Variants in GSG1 observed in about 807,000 individuals in gnomAD.
The protein encoded by GSG1 is germ cell associated 1.
GSG1 carries 28 observed loss-of-function variants against 30.8 expected under a neutral mutation model. The ratio of observed to expected loss-of-function variants is 0.91; its 90% CI spans 0.67 to 1.25. GSG1 has a LOEUF of 1.25. GSG1 is among the 50% of genes most tolerant of loss of function. The pLI is 0.00. For missense variants in GSG1, 435 were observed against 444.7 expected (o/e 0.98, Z 0.20); for synonymous variants, 162 against 178.0 (o/e 0.91, Z 0.71).
chr12:13,089,981 G>A (rs897601361), intron 2 of GSG1, among the ~76,000 whole-genome samples: 1 of 152,182 alleles, frequency 6.6e-6, no homozygotes, highest in African/African-American at 2.4e-5. Context: ...CCTGAGAGGC[G>A]GAGGTTGTGG....
At position 13,084,302 on chromosome 12, in the gene GSG1, T is replaced by C. The variant is rs1271725086; in HGVS notation, c.*599A>G. ...AAGTGACCCTGACCCTGTGTGCTGT[T>C]GGCGCCTTCTCATGTTAAACCACTC... On this transcript the variant is annotated 3_prime_UTR_variant, in exon 7 of 7. Coordinates refer to ENST00000651961, the MANE Select transcript of GSG1 (RefSeq NM_001080555.4). The C allele has an allele frequency of 6.6e-6, 1 of 152,384 alleles. No homozygotes were observed. Among genetic ancestry groups the C allele is most frequent in the African/African-American group, 2.4e-5 (1 of 41,422 alleles). The allele number at this position is 152,384 out of a possible 1,614,324, so 9.4% of individuals were successfully genotyped here.
At chr12:13,100,441 C>G (rs559617008) in intron 1 of GSG1, among the ~76,000 whole-genome samples, 1 of 152,298 alleles carries the variant, frequency 6.6e-6, no homozygotes, top group East Asian at 1.9e-4. Context: ...TTTAAATGAG[C>G]AAAGCGCAGA....
At chr12:13,089,138 G>C in intron 3 of GSG1, 70 bp downstream of exon 3, 1 of 1,441,254 alleles carries the variant, frequency 6.9e-7, no homozygotes, top group Non-Finnish European at 9.5e-7. Context: ...TTCCATGAGA[G>C]CACCTACATA....
chr12:13,101,796 T>C lies in GSG1; in HGVS notation c.48+1669A>G, dbSNP rs970131594. ...AAGGGAAGGGGATGTCTGCGTCTCA[T>C]TGGGAAGACCCCAGGGCGGGACTTC... On this transcript the variant is annotated intron_variant, in intron 1 of 6. Transcript: ENST00000651961. The surrounding 1 kb of genome is among the most constrained non-coding windows in gnomAD (Gnocchi z 5.8). Among the ~76,000 whole-genome samples, 23 of 152,192 alleles carry C rather than the reference T, an allele frequency of 1.5e-4. No individual in the cohort carries two copies. Among genetic ancestry groups the C allele is most frequent in the East Asian group, 5.8e-4 (3 of 5,198 alleles).
At chr12:13,088,240 A>C (rs1565527798) in intron 4 of GSG1, among the ~76,000 whole-genome samples, 181 bp from the exon 5 acceptor site, 3 of 152,168 alleles carry the variant, frequency 2.0e-5, no homozygotes, top group Admixed American at 1.3e-4. Context: ...CGTCACTCAC[A>C]GCTCCCACTC....
chr12:13,096,246 G>A (rs1866649995), intron 1 of GSG1, among the ~76,000 whole-genome samples: 1 of 152,048 alleles, frequency 6.6e-6, no homozygotes, highest in Non-Finnish European at 1.5e-5. Context: ...GGCCTAGGTG[G>A]GCGGATCACA....
At position 13,090,732 on chromosome 12, in the gene GSG1, G is replaced by T; in HGVS notation, c.135C>A (p.Ser45=). The stretch of plus-strand genomic sequence containing the variant: ...CCACAAACCAGTAGTTGCTGAGCAG[G>T]GATGTTGTGGAGAAGCTGAGTGATA... The part of the protein sequence containing the change: ...SMLSLSFSTT[S]LLSNYWFVGT... The change falls in exon 2 of 7, where the codon TCC becomes TCA. Residue 45 remains serine, a synonymous_variant. Coordinates refer to ENST00000651961, the MANE Select transcript of GSG1 (RefSeq NM_001080555.4). 6.2e-7 allele frequency: 1 copy of T among 1,614,226 alleles called. No homozygotes were observed.
At chr12:13,087,400 T>C (rs1227458544) in intron 5 of GSG1, 137 bp from the exon 6 acceptor site, 2 of 623,848 alleles carry the variant, frequency 3.2e-6, no homozygotes, top group Non-Finnish European at 5.7e-6. Context: ...GCCACCACAT[T>C]TCCCGAAGAC....
rs766652120 is a variant in GSG1 at position 13,084,225 on chromosome 12, T to C, written c.*676A>G. 4.6e-5 allele frequency: 7 copies of C among 152,192 alleles called. No individual in the cohort carries two copies. The highest frequency in any genetic ancestry group is 8.8e-5 in the Non-Finnish European group (6 of 68,034). 9.4% of individuals were successfully genotyped at this position (152,192 alleles called of 1,614,324 possible). A position where few individuals can be genotyped will look rare whatever the true frequency, so the allele number is the denominator to read the frequency against. On this transcript the variant is annotated 3_prime_UTR_variant, in exon 7 of 7. Transcript: ENST00000651961. ...CACTGGGAAGTCCCTGGTGTGACTG[T>C]CCAGAAGGGAACCACAGTCCAATCT...
At chr12:13,095,639 C>G (rs189657759) in intron 1 of GSG1, 1 of 1,614,012 alleles carries the variant, frequency 6.2e-7, no homozygotes, top group African/African-American at 1.3e-5. Context: ...CTGGAAGAAC[C>G]GAAGGATGCC....
chr12:13,098,191 T>G (rs1246314256), intron 1 of GSG1, among the ~76,000 whole-genome samples: 1 of 151,872 alleles, frequency 6.6e-6, no homozygotes, highest in Non-Finnish European at 1.5e-5. Context: ...TGGCTAGTAG[T>G]TTCATCACAA....
chr12:13,093,460 GA>G lies in GSG1; in HGVS notation c.49-2643del, dbSNP rs1866357337. 6.6e-6 allele frequency among the ~76,000 whole-genome samples: 1 copy of G among 152,190 alleles called. No individual in the cohort carries two copies. The highest frequency in any genetic ancestry group is 1.5e-5 in the Non-Finnish European group (1 of 68,040). The stretch of plus-strand genomic sequence containing the variant: ...CAGATGGATGCTTTGGGGCCTGGAG[GA>G]TAAAAGAGGGCAGTGAACCTACTGG... On this transcript the variant is annotated intron_variant, in intron 1 of 6. Transcript: ENST00000651961. This position sits in a 1 kb window ranked among gnomAD's most constrained non-coding sequence, Gnocchi z 4.6.
Position 13,101,418 on chromosome 12 carries a change from G to T in GSG1, c.48+2047C>A, listed in dbSNP as rs1048205363. Among the ~76,000 whole-genome samples the T allele has an allele frequency of 6.6e-6, 1 of 152,346 alleles. No homozygotes were observed. Among genetic ancestry groups the T allele is most frequent in the East Asian group, 1.9e-4 (1 of 5,172 alleles). On this transcript the variant is annotated intron_variant, in intron 1 of 6. Coordinates refer to ENST00000651961, the MANE Select transcript of GSG1 (RefSeq NM_001080555.4). The surrounding 1 kb of genome is among the most constrained non-coding windows in gnomAD (Gnocchi z 5.8). Reference sequence around the variant, plus strand: ...CCATGGCTTCCTGACCGGGTCGGGCGGGGGTACCCGGGCTGTTTCTTCCTC... The same window carrying T: ...CCATGGCTTCCTGACCGGGTCGGGCTGGGGTACCCGGGCTGTTTCTTCCTC...
At chr12:13,099,873 G>A (rs1863069582) in intron 1 of GSG1, among the ~76,000 whole-genome samples, 1 of 150,326 alleles carries the variant, frequency 6.7e-6, no homozygotes, top group Non-Finnish European at 1.5e-5. Flanking sequence ...TCTGACCCAC[G>A]CGCCATTAGC....
At chr12:13,102,626 A>T (rs897603651) in intron 1 of GSG1, among the ~76,000 whole-genome samples, 6 of 152,154 alleles carry the variant, frequency 3.9e-5, no homozygotes, top group African/African-American at 1.4e-4. Context: ...TGAGATCCTA[A>T]CTTCCAGCTG....
Position 13,087,872 on chromosome 12 carries a change from G to A in GSG1, c.634+35C>T, listed in dbSNP as rs764117975. The stretch of plus-strand genomic sequence containing the variant: ...AGCTAGGGCTTCAAAAGTGGCCAGG[G>A]CCAACCACCCTCTCTCACTCCAGGA... On this transcript the variant is annotated intron_variant, in intron 5 of 6. Transcript: ENST00000651961. The A allele has an allele frequency of 5.0e-6, 8 of 1,606,240 alleles. No individual in the cohort carries two copies. The South Asian group carries it at 7.8e-5, about 16-fold the overall frequency.
chr12:13,096,194 C>T (rs1866644359), intron 1 of GSG1, among the ~76,000 whole-genome samples: 2 of 152,240 alleles, frequency 1.3e-5, no homozygotes, highest in South Asian at 4.1e-4. Context: ...AGTACTATTG[C>T]CGGGCGTGGT....
chr12:13,098,586 A>G (rs1862923622), intron 1 of GSG1, among the ~76,000 whole-genome samples: 1 of 143,080 alleles, frequency 7.0e-6, no homozygotes, highest in Admixed American at 7.5e-5. Flanking sequence ...CAGTTAGCCA[A>G]TGTTTCCTGA....
rs1866330710 is a variant in GSG1, at chr12:13,093,226, A to G, written c.49-2408T>C. 6.6e-6 allele frequency among the ~76,000 whole-genome samples: 1 copy of G among 152,180 alleles called. No individual in the cohort carries two copies. The highest frequency in any genetic ancestry group is 2.4e-5 in the African/African-American group (1 of 41,454). On this transcript the variant is annotated intron_variant, in intron 1 of 6. Transcript: ENST00000651961. This position sits in a 1 kb window ranked among gnomAD's most constrained non-coding sequence, Gnocchi z 4.6. ...TTATGTAAAGTCTAAACTTTATATA[A>G]AAGTTTAGAAAAAAGAATTGGGAGC...
Sources: gnomAD v4.1 joint callset for allele counts (sites outside exome capture counted in the v4.1 genomes callset) on GRCh38, gnomAD v4.1.1 for gene constraint, Gnocchi (gnomAD v3.1) non-coding constraint, MANE v1.5 for transcripts, NCBI Gene and HGNC (gene_info 2026-07-23, HGNC 2026-07-21) for gene names.